The following DSCAML1 variants were observed in gnomAD, a reference collection of about 807,000 sequenced individuals.
The protein encoded by DSCAML1 is cell adhesion molecule DSCAML1.
A neutral mutation model predicts 200.5 loss-of-function variants in DSCAML1; 38 were observed. That is an observed-to-expected ratio of 0.19 (90% CI 0.15 to 0.25). DSCAML1 has a LOEUF of 0.25. Among genes scored for constraint, DSCAML1 ranks in the 10% least tolerant of loss-of-function variants. The probability of loss-of-function intolerance (pLI) is 1.00; values close to 1 mark genes in which losing one functional copy is unlikely to be tolerated. For missense variants in DSCAML1, 2,223 were observed against 2,858.8 expected (o/e 0.78, Z 5.07); for synonymous variants, 1,215 against 1,165.0 (o/e 1.04, Z -0.87).
At chr11:117,515,118 C>T (rs1020744420) in intron 8 of DSCAML1, among the ~76,000 whole-genome samples, 3 of 152,260 alleles carry the variant, frequency 2.0e-5, no homozygotes, top group African/African-American at 7.2e-5. Context: ...CCCTTCCTCC[C>T]AGGCGGAGCC....
At chr11:117,435,518 C>T in intron 27 of DSCAML1, 126 bp downstream of exon 27, 1 of 1,133,870 alleles carries the variant, frequency 8.8e-7, no homozygotes, top group Non-Finnish European at 1.2e-6. Context: ...TGAGTGGCTG[C>T]TCCTCCTTCA....
intron 3 of DSCAML1, among the ~76,000 whole-genome samples, chr11:117,627,405 C>T (rs2052071589): frequency 6.6e-6 from 1 of 152,182 alleles, no homozygotes; most frequent in South Asian, 2.1e-4. Context: ...GGGGCTGGTG[C>T]TGATTTCCAG....
chr11:117,638,862 G>A (rs2052343379), intron 3 of DSCAML1, among the ~76,000 whole-genome samples: 1 of 152,170 alleles, frequency 6.6e-6, no homozygotes, highest in Non-Finnish European at 1.5e-5. Flanking sequence ...GTTTTTGCGT[G>A]GATGTATGTT....
Position 117,579,119 on chromosome 11 carries a change from G to A in DSCAML1, c.512-46597C>T, listed in dbSNP as rs183729454. On this transcript the variant is annotated intron_variant, in intron 3 of 32. Coordinates refer to ENST00000651296, the MANE Select transcript of DSCAML1 (RefSeq NM_020693.4). ...CCTCTCTAAGTACATTGCCATGGCCGGGTCAACATCTCCCTCCTCCCCCAC... is the reference window on the plus strand; with the variant it reads ...CCTCTCTAAGTACATTGCCATGGCCAGGTCAACATCTCCCTCCTCCCCCAC... 5.2e-3 allele frequency among the ~76,000 whole-genome samples: 792 copies of A among 152,130 alleles called. 21 individuals carry two copies. The highest frequency in any genetic ancestry group is 3.8e-3 in the Non-Finnish European group (260 of 67,994).
At chr11:117,510,223 C>G (rs1261687946) in intron 8 of DSCAML1, among the ~76,000 whole-genome samples, 1 of 152,218 alleles carries the variant, frequency 6.6e-6, no homozygotes, top group Non-Finnish European at 1.5e-5. Flanking sequence ...ACTGCACCTG[C>G]TAGCAGAGTG....
chr11:117,794,871 C>G (rs1156372813), intron 1 of DSCAML1, among the ~76,000 whole-genome samples: 1 of 152,148 alleles, frequency 6.6e-6, no homozygotes, highest in Non-Finnish European at 1.5e-5. Flanking sequence ...TGGCGCCCAA[C>G]AGACAGACGC....
At chr11:117,764,037 C>T (rs1467058687) in intron 3 of DSCAML1, among the ~76,000 whole-genome samples, 1 of 152,060 alleles carries the variant, frequency 6.6e-6, no homozygotes, top group Non-Finnish European at 1.5e-5. Context: ...GTGTTGTTTC[C>T]TTGTGTTGGG....
intron 20 of DSCAML1, among the ~76,000 whole-genome samples, chr11:117,448,634 T>TGGG (rs1288916224): frequency 1.5e-5 from 1 of 65,098 alleles, no homozygotes; most frequent in African/African-American, 6.8e-5. Context: ...TGTGTGTGTG[T>TGGG]GTGTGGGGGG....
At chr11:117,682,418 C>G (rs2053327994) in intron 3 of DSCAML1, among the ~76,000 whole-genome samples, 1 of 152,218 alleles carries the variant, frequency 6.6e-6, no homozygotes, top group Non-Finnish European at 1.5e-5. Flanking sequence ...TCTTCCCCTA[C>G]CTCACCTAGA....
At chr11:117,512,909 T>A (rs999563335) in intron 8 of DSCAML1, among the ~76,000 whole-genome samples, 2 of 151,892 alleles carry the variant, frequency 1.3e-5, no homozygotes, top group Non-Finnish European at 2.9e-5. Context: ...ATGCATCAGA[T>A]TCAATTCATT....
intron 11 of DSCAML1, among the ~76,000 whole-genome samples, chr11:117,487,936 G>A (rs907549432): frequency 5.3e-5 from 8 of 152,196 alleles, no homozygotes; most frequent in Non-Finnish European, 2.9e-5. Flanking sequence ...AGTCAATTAA[G>A]GCCTGGATCT....
At position 117,437,283 on chromosome 11, in the gene DSCAML1, T is replaced by G; in HGVS notation, c.4559A>C (p.Lys1520Thr). ...ITAIVLEYRP[K>T]GTWAWQGLRA... Reference sequence around the variant, plus strand: ...GAGGCCCTGCCAGGCCCAGGTCCCCTTGGGCCGGTACTCCAGAACGATGGC... The same window carrying G: ...GAGGCCCTGCCAGGCCCAGGTCCCCGTGGGCCGGTACTCCAGAACGATGGC... The change falls in exon 26 of 33, where the codon AAG becomes ACG. Residue 1520 changes from lysine to threonine, a missense_variant. By Grantham distance (78) the Lys-to-Thr change is moderately conservative. Coordinates refer to ENST00000651296, the MANE Select transcript of DSCAML1 (RefSeq NM_020693.4). The surrounding 1 kb of genome is among the most constrained non-coding windows in gnomAD (Gnocchi z 5.3). The G allele has an allele frequency of 6.2e-7, 1 of 1,614,230 alleles. No homozygotes were observed. The highest frequency in any genetic ancestry group is 1.1e-5 in the South Asian group (1 of 91,092).
chr11:117,508,666 C>T (rs2049556886), intron 8 of DSCAML1, among the ~76,000 whole-genome samples: 1 of 152,002 alleles, frequency 6.6e-6, no homozygotes, highest in African/African-American at 2.4e-5. Flanking sequence ...ATTTGAGAGC[C>T]CTGTGTACGC....
chr11:117,702,176 G>T (rs988921401), intron 3 of DSCAML1, among the ~76,000 whole-genome samples: 5 of 152,076 alleles, frequency 3.3e-5, no homozygotes, highest in Non-Finnish European at 7.4e-5. Context: ...GGATCATGTT[G>T]GTCTCCCTGA....
intron 21 of DSCAML1, among the ~76,000 whole-genome samples, chr11:117,442,348 G>GTGTGTT (rs1592583142): frequency 1.5e-5 from 2 of 134,540 alleles, no homozygotes; most frequent in East Asian, 6.1e-4. Flanking sequence ...GTATGTGTGT[G>GTGTGTT]CATGTGTGTA....
chr11:117,790,332 T>A (rs1490731743), intron 1 of DSCAML1, among the ~76,000 whole-genome samples: 2 of 152,034 alleles, frequency 1.3e-5, no homozygotes, highest in African/African-American at 4.8e-5. Context: ...GGAGAAGAGG[T>A]AGGCTTCCTC....
At chr11:117,593,476 A>G (rs2051299657) in intron 3 of DSCAML1, among the ~76,000 whole-genome samples, 1 of 152,176 alleles carries the variant, frequency 6.6e-6, no homozygotes, top group Admixed American at 6.5e-5. Context: ...TGTCACCTGG[A>G]AAGAAGAGAT....
intron 3 of DSCAML1, among the ~76,000 whole-genome samples, chr11:117,601,734 C>T (rs2137509511): frequency 6.6e-6 from 1 of 152,292 alleles, no homozygotes; most frequent in Non-Finnish European, 1.5e-5. Flanking sequence ...GAATGTCACG[C>T]CCTTGAACAC....
At chr11:117,555,979 G>A (rs1487749854) in intron 3 of DSCAML1, among the ~76,000 whole-genome samples, 1 of 152,044 alleles carries the variant, frequency 6.6e-6, no homozygotes, top group Non-Finnish European at 1.5e-5. Flanking sequence ...AGAAGGTGGA[G>A]GAGGAGGGTA....
Sources: allele counts gnomAD v4.1 joint callset (sites outside exome capture counted in the v4.1 genomes callset), GRCh38; gene constraint gnomAD v4.1.1; non-coding constraint Gnocchi (gnomAD v3.1); transcripts MANE v1.5; gene names NCBI Gene and HGNC (gene_info 2026-07-23, HGNC 2026-07-21).